The following RBFOX3 variants were observed in gnomAD, a reference collection of about 807,000 sequenced individuals.
RBFOX3 encodes the protein RNA binding fox-1 homolog 3.
RBFOX3 carries 17 observed loss-of-function variants against 48.7 expected under a neutral mutation model. That is an observed-to-expected ratio of 0.35 (90% CI 0.24 to 0.52). RBFOX3 has a LOEUF of 0.52. RBFOX3 is among the 20% of genes least tolerant of loss of function. The pLI is 0.94. For synonymous variants in RBFOX3, 212 were observed against 209.5 expected (o/e 1.01, Z -0.10); for missense variants, 382 against 497.5 (o/e 0.77, Z 2.21).
At chr17:79,182,444 G>C (rs2052248754) in intron 4 of RBFOX3, among the ~76,000 whole-genome samples, 1 of 152,158 alleles carries the variant, frequency 6.6e-6, no homozygotes, top group Non-Finnish European at 1.5e-5. Context: ...GGGGCCTGGG[G>C]GAGACGAGGG....
At chr17:79,442,242 A>G (rs797044425) in intron 2 of RBFOX3, among the ~76,000 whole-genome samples, 4,175 of 6,360 alleles carry the variant, frequency 0.66, 1,239 homozygotes, top group East Asian at 0.73. Context: ...AGAGAGAGAG[A>G]GAGAGAGAGA....
At chr17:79,246,805 G>A (rs554869577) in intron 3 of RBFOX3, among the ~76,000 whole-genome samples, 1 of 152,288 alleles carries the variant, frequency 6.6e-6, no homozygotes, top group South Asian at 2.1e-4. Context: ...CAGAAGTGTT[G>A]CAGGGGATGC....
Position 79,204,101 on chromosome 17 carries a change from C to G in RBFOX3, c.-34+31665G>C, listed in dbSNP as rs2057173907. ...AAAGACCTCAACTGAGAAATTTTCT[C>G]ATGAGATAACACTTGTCCCCCACTG... On this transcript the variant is annotated intron_variant, in intron 4 of 14. Transcript: ENST00000693108. The surrounding 1 kb of genome is among the most constrained non-coding windows in gnomAD (Gnocchi z 4.5). 6.6e-6 allele frequency among the ~76,000 whole-genome samples: 1 copy of G among 152,202 alleles called. No individual in the cohort carries two copies. The highest frequency in any genetic ancestry group is 1.5e-5 in the Non-Finnish European group (1 of 68,034).
Position 79,336,531 on chromosome 17 carries a change from T to G in RBFOX3, c.-174-28707A>C, listed in dbSNP as rs577003446. On this transcript the variant is annotated intron_variant, in intron 2 of 14. Transcript: ENST00000693108. ...ATGGAGACAGAACTGTGCAAAGGGTTGGGTCACATTCAGCTGTCTGGACTC... is the reference window on the plus strand; with the variant it reads ...ATGGAGACAGAACTGTGCAAAGGGTGGGGTCACATTCAGCTGTCTGGACTC... 4.6e-5 allele frequency among the ~76,000 whole-genome samples: 7 copies of G among 152,322 alleles called. No individual in the cohort carries two copies. The South Asian group carries it at 1.5e-3, about 32-fold the overall frequency.
At chr17:79,484,182 C>G (rs2149511546) in intron 1 of RBFOX3, among the ~76,000 whole-genome samples, 1 of 152,306 alleles carries the variant, frequency 6.6e-6, no homozygotes, top group South Asian at 2.1e-4. Flanking sequence ...TTTTAAACAG[C>G]AACACACAAC....
chr17:79,288,243 A>G (rs1490888189), intron 3 of RBFOX3, among the ~76,000 whole-genome samples: 1 of 152,186 alleles, frequency 6.6e-6, no homozygotes, highest in African/African-American at 2.4e-5. Flanking sequence ...TCACCAGGAC[A>G]GGGCTTCTTT....
At chr17:79,439,569 C>T (rs184661869) in intron 2 of RBFOX3, among the ~76,000 whole-genome samples, 6 of 152,344 alleles carry the variant, frequency 3.9e-5, no homozygotes, top group South Asian at 2.1e-4. Flanking sequence ...CATACATTTG[C>T]GTGAACACAT....
chr17:79,452,796 T>C (rs1555742507), intron 2 of RBFOX3, among the ~76,000 whole-genome samples: 1 of 151,812 alleles, frequency 6.6e-6, no homozygotes, highest in African/African-American at 2.4e-5. Context: ...TCAGGAAAGG[T>C]GAAGGAGGGC....
chr17:79,294,333 T>A (rs56046776), intron 3 of RBFOX3, among the ~76,000 whole-genome samples: 26,949 of 152,000 alleles, frequency 0.18, 2,839 homozygotes, highest in African/African-American at 0.29. Flanking sequence ...TTTTTGTGGA[T>A]GGAGTCTCAC....
At position 79,512,879 on chromosome 17, in the gene RBFOX3, G is replaced by A. The variant is rs1419385403; in HGVS notation, c.-319-30281C>T. ...GGCCAGGGGACGCACACCCGGATAC[G>A]TATTACCATCGGCTACGGCCCCATG... On this transcript the variant is annotated intron_variant, in intron 1 of 14. Coordinates refer to ENST00000693108, the MANE Select transcript of RBFOX3 (RefSeq NM_001350451.2). 2.2e-4 allele frequency among the ~76,000 whole-genome samples: 23 copies of A among 105,426 alleles called. 3 individuals are homozygous for A. The highest frequency in any genetic ancestry group is 1.4e-3 in the South Asian group (4 of 2,862). 69.2% of individuals were successfully genotyped at this position (105,426 alleles called of 152,430 possible). A position where few individuals can be genotyped will look rare whatever the true frequency, so the allele number is the denominator to read the frequency against.
intron 5 of RBFOX3, among the ~76,000 whole-genome samples, chr17:79,108,163 G>A (rs1158988771): frequency 2.0e-5 from 3 of 152,240 alleles, no homozygotes; most frequent in Non-Finnish European, 4.4e-5. Flanking sequence ...CCTCCTCAGA[G>A]GCCATGTGGC....
intron 4 of RBFOX3, among the ~76,000 whole-genome samples, chr17:79,200,385 G>C (rs1447080698): frequency 6.6e-6 from 1 of 152,232 alleles, no homozygotes; most frequent in Non-Finnish European, 1.5e-5. Context: ...CAGGCAGGGG[G>C]GCCACCAGCT....
the RBFOX3 span, among the ~76,000 whole-genome samples, chr17:79,622,296 A>G: frequency 6.6e-6 from 1 of 152,036 alleles, no homozygotes; most frequent in Non-Finnish European, 1.5e-5. Flanking sequence ...CCCTCCTTCC[A>G]GTTCCAACCT....
rs1265850850 is a variant in RBFOX3 at position 79,473,635 on chromosome 17, T to A, written c.-175+8819A>T. On this transcript the variant is annotated intron_variant, in intron 2 of 14. Coordinates refer to ENST00000693108, the MANE Select transcript of RBFOX3 (RefSeq NM_001350451.2). This position sits in a 1 kb window ranked among gnomAD's most constrained non-coding sequence, Gnocchi z 4.2. Reference sequence around the variant, plus strand: ...CCCTCCCATAATGTTGACATCCTGATGAACCCCCGCTGGTGACGGCAGGTG... The same window carrying A: ...CCCTCCCATAATGTTGACATCCTGAAGAACCCCCGCTGGTGACGGCAGGTG... 1.5e-4 allele frequency among the ~76,000 whole-genome samples: 23 copies of A among 152,202 alleles called. No individual in the cohort carries two copies. The highest frequency in any genetic ancestry group is 2.6e-4 in the Non-Finnish European group (18 of 68,038).
Position 79,390,271 on chromosome 17 carries a change from T to C in RBFOX3, c.-174-82447A>G, listed in dbSNP as rs1300486356. ...ATCCCTCCGCCCCATCATCCTGCAATCCTTTAGCTGGCAGACACCAGCATC... is the reference window on the plus strand; with the variant it reads ...ATCCCTCCGCCCCATCATCCTGCAACCCTTTAGCTGGCAGACACCAGCATC... On this transcript the variant is annotated intron_variant, in intron 2 of 14. Coordinates refer to ENST00000693108, the MANE Select transcript of RBFOX3 (RefSeq NM_001350451.2). The surrounding 1 kb of genome is among the most constrained non-coding windows in gnomAD (Gnocchi z 4.2). Among the ~76,000 whole-genome samples the C allele has an allele frequency of 6.6e-6, 1 of 152,166 alleles. No homozygotes were observed. The highest frequency in any genetic ancestry group is 1.5e-5 in the Non-Finnish European group (1 of 68,020).
intron 2 of RBFOX3, among the ~76,000 whole-genome samples, chr17:79,368,279 T>G (rs1024261296): frequency 5.4e-4 from 70 of 129,648 alleles, no homozygotes; most frequent in African/African-American, 1.9e-3. Context: ...AGGGGTCCAG[T>G]AGGAGCAGCA....
intron 4 of RBFOX3, among the ~76,000 whole-genome samples, chr17:79,122,453 G>T (rs2036007763): frequency 6.6e-6 from 1 of 152,186 alleles, no homozygotes; most frequent in Non-Finnish European, 1.5e-5. Context: ...TGTATAAAAA[G>T]GTGCTCACCA....
chr17:79,175,116 A>C (rs1306852724), intron 4 of RBFOX3, among the ~76,000 whole-genome samples: 1 of 151,624 alleles, frequency 6.6e-6, no homozygotes, highest in Non-Finnish European at 1.5e-5. Flanking sequence ...TTCCCCACCC[A>C]CATGATAACT....
At chr17:79,441,026 G>A (rs1454428558) in intron 2 of RBFOX3, among the ~76,000 whole-genome samples, 2 of 152,250 alleles carry the variant, frequency 1.3e-5, no homozygotes, top group African/African-American at 4.8e-5. Flanking sequence ...AGCTTTGCAG[G>A]CAGGTCACAC....
Sources: allele counts gnomAD v4.1 joint callset (sites outside exome capture counted in the v4.1 genomes callset), GRCh38; gene constraint gnomAD v4.1.1; non-coding constraint Gnocchi (gnomAD v3.1); transcripts MANE v1.5; gene names NCBI Gene and HGNC (gene_info 2026-07-23, HGNC 2026-07-21).